Variants in BRIP1 observed in about 807,000 individuals in gnomAD.
BRIP1 encodes Fanconi anemia group J protein.
A neutral mutation model predicts 119.7 loss-of-function variants in BRIP1; 88 were observed. That is an observed-to-expected ratio of 0.74 (90% CI 0.62 to 0.88). BRIP1 has a LOEUF of 0.88. BRIP1 is among the 40% of genes least tolerant of loss of function. The pLI, the probability that BRIP1 is intolerant of heterozygous loss-of-function variation, is 0.00. For missense variants in BRIP1, 1,259 were observed against 1,455.4 expected, an observed-to-expected ratio of 0.87 and a Z score of 2.20; for synonymous variants, 443 against 496.5, an observed-to-expected ratio of 0.89 and a Z score of 1.43.
rs1342655654 is a variant in BRIP1, at chr17:61,856,417, T to TA, written c.379+640dup. Among the ~76,000 whole-genome samples, 1 of 152,200 alleles carries TA rather than the reference T, an allele frequency of 6.6e-6. No homozygotes were observed. Among genetic ancestry groups the TA allele is most frequent in the Non-Finnish European group, 1.5e-5 (1 of 68,038 alleles). ...CTAAACAAGAAATGGTAGTTTGGAC[T>TA]ATGGAGGTACCAATGGATATGGAGA... On this transcript the variant is annotated intron_variant, in intron 4 of 19. Transcript: ENST00000259008. This position sits in a 1 kb window ranked among gnomAD's most constrained non-coding sequence, Gnocchi z 5.1.
At chr17:61,685,117 T>C (rs1247307097) in intron 19 of BRIP1, 1 of 152,272 alleles carries the variant, frequency 6.6e-6, no homozygotes, top group Non-Finnish European at 1.5e-5. Context: ...TGGAGCATAA[T>C]GTATCTGTTG....
Position 61,686,236 on chromosome 17 carries a change from C to T in BRIP1, c.2576-71G>A. ...TAAAATATTACATGCTAAGGTAATACACTTGCTTTTTCTAGTGAAGTAACC... is the reference window on the plus strand; with the variant it reads ...TAAAATATTACATGCTAAGGTAATATACTTGCTTTTTCTAGTGAAGTAACC... On this transcript the variant is annotated intron_variant, in intron 18 of 19. Transcript: ENST00000259008. This position sits in a 1 kb window ranked among gnomAD's most constrained non-coding sequence, Gnocchi z 5.4. The T allele has an allele frequency of 7.3e-7, 1 of 1,369,486 alleles. No homozygotes were observed. Among genetic ancestry groups the T allele is most frequent in the Non-Finnish European group, 1.0e-6 (1 of 960,846 alleles). The allele number at this position is 1,369,486 out of a possible 1,614,324, so 84.8% of individuals were successfully genotyped here.
At position 61,850,362 on chromosome 17, in the gene BRIP1, A is replaced by G. The variant is rs573647970; in HGVS notation, c.380-1106T>C. On this transcript the variant is annotated intron_variant, in intron 4 of 19. Transcript: ENST00000259008. ...GGTGATCCACCCGCCTAGCCTCCCA[A>G]AGTGCTGGGATTACAGGCGTGAGCC... Among the ~76,000 whole-genome samples the G allele has an allele frequency of 2.2e-4, 33 of 151,880 alleles. 1 individual carries two copies. The South Asian group carries it at 6.9e-3, about 32-fold the overall frequency.
In BRIP1 at chr17:61,710,966, G is replaced by C. The variant is rs2061762014; in HGVS notation, c.2492+4985C>G. On this transcript the variant is annotated intron_variant, in intron 17 of 19. Coordinates refer to ENST00000259008, the MANE Select transcript of BRIP1 (RefSeq NM_032043.3). The surrounding 1 kb of genome is among the most constrained non-coding windows in gnomAD (Gnocchi z 5.4). ...TGAGGCAGGAGAATCGCTTGAACTT[G>C]GGTGGAGGAAGATGCAGTGAGCCAA... is the stretch of plus-strand genomic sequence containing the variant. Among the ~76,000 whole-genome samples the C allele has an allele frequency of 6.6e-6, 1 of 150,862 alleles. No individual in the cohort carries two copies. Among genetic ancestry groups the C allele is most frequent in the African/African-American group, 2.4e-5 (1 of 40,996 alleles).
At chr17:61,711,401 A>G (rs1179241148) in intron 17 of BRIP1, among the ~76,000 whole-genome samples, 1 of 152,216 alleles carries the variant, frequency 6.6e-6, no homozygotes, top group East Asian at 1.9e-4. Flanking sequence ...AAAAATGTCA[A>G]TCAGCAGGGA....
chr17:61,797,613 C>G (rs1342301675), intron 9 of BRIP1, among the ~76,000 whole-genome samples: 10 of 152,020 alleles, frequency 6.6e-5, no homozygotes, highest in Admixed American at 6.6e-4. Flanking sequence ...CCACAAAAAT[C>G]TGCATGGCAA....
rs904068509 is a variant in BRIP1 at position 61,804,152 on chromosome 17, G to A, written c.919-2678C>T. On this transcript the variant is annotated intron_variant, in intron 7 of 19. Transcript: ENST00000259008. This position sits in a 1 kb window ranked among gnomAD's most constrained non-coding sequence, Gnocchi z 4.5. ...AGTAGTTACCTTAAAGGATTAAGGA[G>A]ATGGAGGATCTAGAAAAAGCCTCTC... Among the ~76,000 whole-genome samples, 4 of 152,110 alleles carry A rather than the reference G, an allele frequency of 2.6e-5. No homozygotes were observed. The highest frequency in any genetic ancestry group is 9.7e-5 in the African/African-American group (4 of 41,432).
At position 61,824,126 on chromosome 17, in the gene BRIP1, T is replaced by G. The variant is rs2078369608; in HGVS notation, c.628-15369A>C. ...CACCATGCCCGGCCTAAGATAGAATTTTTAAAGCAGCCACAGATTACTCTA... is the reference window on the plus strand; with the variant it reads ...CACCATGCCCGGCCTAAGATAGAATGTTTAAAGCAGCCACAGATTACTCTA... On this transcript the variant is annotated intron_variant, in intron 6 of 19. Transcript: ENST00000259008. This position sits in a 1 kb window ranked among gnomAD's most constrained non-coding sequence, Gnocchi z 4.3. Among the ~76,000 whole-genome samples the G allele has an allele frequency of 6.6e-6, 1 of 152,206 alleles. No individual in the cohort carries two copies. Among genetic ancestry groups the G allele is most frequent in the Non-Finnish European group, 1.5e-5 (1 of 68,040 alleles).
rs2078736524 is a variant in BRIP1, at chr17:61,846,619, T to C, written c.627+482A>G. On this transcript the variant is annotated intron_variant, in intron 6 of 19. Coordinates refer to ENST00000259008, the MANE Select transcript of BRIP1 (RefSeq NM_032043.3). The surrounding 1 kb of genome is among the most constrained non-coding windows in gnomAD (Gnocchi z 4.3). ...CCAGGCTGGTTTCAAACTCGTGAAC[T>C]CAAGTGATCCACCCGCCTTGGCCTC... Among the ~76,000 whole-genome samples the C allele has an allele frequency of 3.3e-5, 5 of 152,246 alleles. No individual in the cohort carries two copies. The South Asian group carries it at 1.0e-3, about 32-fold the overall frequency.
rs1363321714 is a variant in BRIP1 at position 61,825,055 on chromosome 17, G to A, written c.628-16298C>T. Among the ~76,000 whole-genome samples the A allele has an allele frequency of 6.6e-6, 1 of 152,134 alleles. No individual in the cohort carries two copies. The highest frequency in any genetic ancestry group is 1.5e-5 in the Non-Finnish European group (1 of 68,008). On this transcript the variant is annotated intron_variant, in intron 6 of 19. Coordinates refer to ENST00000259008, the MANE Select transcript of BRIP1 (RefSeq NM_032043.3). This position sits in a 1 kb window ranked among gnomAD's most constrained non-coding sequence, Gnocchi z 4.1. ...AATCCCAACACTTTGGGAGGCTGAGGCAGGCGGATCGCAAGGTCAGGAGAT... is the reference window on the plus strand; with the variant it reads ...AATCCCAACACTTTGGGAGGCTGAGACAGGCGGATCGCAAGGTCAGGAGAT...
At position 61,681,422 on chromosome 17, in the gene BRIP1, A is replaced by T. The variant is rs2061268391; in HGVS notation, c.*1874T>A. ...TAGTACTAACCGCTGCATTTTACAG[A>T]TGAAACTAATTCCCTGAAGGGTGTG... On this transcript the variant is annotated 3_prime_UTR_variant, in exon 20 of 20. Coordinates refer to ENST00000259008, the MANE Select transcript of BRIP1 (RefSeq NM_032043.3). The surrounding 1 kb of genome is among the most constrained non-coding windows in gnomAD (Gnocchi z 5.1). 1.4e-5 allele frequency: 3 copies of T among 212,052 alleles called. No homozygotes were observed. The highest frequency in any genetic ancestry group is 6.8e-5 in the African/African-American group (3 of 44,218). The allele number at this position is 212,052 out of a possible 1,614,324, so 13.1% of individuals were successfully genotyped here.
chr17:61,692,497 C>A (rs1364922333), intron 18 of BRIP1, among the ~76,000 whole-genome samples: 2 of 151,646 alleles, frequency 1.3e-5, no homozygotes, highest in Non-Finnish European at 1.5e-5. Context: ...AAAACCAAAC[C>A]AAAAAAACAG....
In BRIP1 at chr17:61,860,024, A is replaced by G; in HGVS notation, c.94-117T>C. On this transcript the variant is annotated intron_variant, in intron 2 of 19. Transcript: ENST00000259008. This position sits in a 1 kb window ranked among gnomAD's most constrained non-coding sequence, Gnocchi z 4.1. ...GTGAGATTGCACTCCAGGGAACACA[A>G]CAATAGCAGAAGGAACTCATATTTA... The G allele has an allele frequency of 1.4e-6, 1 of 713,976 alleles. No homozygotes were observed. Among genetic ancestry groups the G allele is most frequent in the Non-Finnish European group, 2.5e-6 (1 of 399,226 alleles). The allele number at this position is 713,976 out of a possible 1,614,324, so 44.2% of individuals were successfully genotyped here. A position where few individuals can be genotyped will look rare whatever the true frequency, so the allele number is the denominator to read the frequency against.
In BRIP1 at chr17:61,683,410, A is replaced by G. The variant is rs374392860; in HGVS notation, c.3636T>C (p.Asn1212=). 57 of 1,613,504 alleles carry G rather than the reference A, an allele frequency of 3.5e-5. No individual in the cohort carries two copies. Among genetic ancestry groups the G allele is most frequent in the Non-Finnish European group, 4.7e-5 (56 of 1,179,808 alleles). ...GTTCATTTATCCAAGTTGTTTTTACATTACCATCAATGTCATCAATTTTAC... is the reference window on the plus strand; with the variant it reads ...GTTCATTTATCCAAGTTGTTTTTACGTTACCATCAATGTCATCAATTTTAC... ...EESKIDDIDG[N]VKTTWINELE... is the part of the protein sequence containing the mutation. The change falls in exon 20 of 20, where the codon AAT becomes AAC. Residue 1212 remains asparagine (N), a synonymous_variant. Coordinates refer to ENST00000259008, the MANE Select transcript of BRIP1 (RefSeq NM_032043.3). The surrounding 1 kb of genome is among the most constrained non-coding windows in gnomAD (Gnocchi z 4.7).
chr17:61,861,653 A>AGT lies in BRIP1; in HGVS notation c.-30-85_-30-84insAC. On this transcript the variant is annotated intron_variant, in intron 1 of 19. Coordinates refer to ENST00000259008, the MANE Select transcript of BRIP1 (RefSeq NM_032043.3). The surrounding 1 kb of genome is among the most constrained non-coding windows in gnomAD (Gnocchi z 4.5). The stretch of plus-strand genomic sequence containing the variant: ...ACCAAAACTAAGGGAGAAATCTGGA[A>AGT]ACAGAAACTGGAATTAATAAAAGTA... 1.3e-6 allele frequency: 1 copy of AGT among 750,374 alleles called. No homozygotes were observed. The allele number at this position is 750,374 out of a possible 1,614,324, so 46.5% of individuals were successfully genotyped here. A position where few individuals can be genotyped will look rare whatever the true frequency, so the allele number is the denominator to read the frequency against.
At chr17:61,719,009 G>C (rs2061928305) in intron 16 of BRIP1, among the ~76,000 whole-genome samples, 2 of 152,140 alleles carry the variant, frequency 1.3e-5, no homozygotes, top group Admixed American at 1.3e-4. Flanking sequence ...TACATGTTCA[G>C]TACAGAAGCA....
At chr17:61,694,426 A>C (rs1462252627) in intron 17 of BRIP1, among the ~76,000 whole-genome samples, 2 of 152,082 alleles carry the variant, frequency 1.3e-5, no homozygotes, top group Admixed American at 6.6e-5. Flanking sequence ...TCAGTACTTC[A>C]TTTATAAGTT....
rs748962730 is a variant in BRIP1, at chr17:61,784,316, T to C, written c.1582A>G (p.Lys528Glu). Residue 528 changes from lysine to glutamate, a missense_variant, in exon 11 of 20, where the codon AAA becomes GAA. Physicochemically the swap from Lys to Glu is moderately conservative, Grantham distance 56 (BLOSUM62 1). This residue lies in a region of BRIP1 where 753 missense variants were observed against 891.8 expected (regional missense o/e 0.84). Transcript: ENST00000259008. The part of the protein sequence containing the change: ...VISASTQIML[K>E]GLFMVLDYLF... ...TAGTCAAGTACCATAAAAAGTCCTT[T>C]AAGCATTATTTGAGTTGATGCACTA... 1 of 1,613,388 alleles carries C rather than the reference T, an allele frequency of 6.2e-7. No homozygotes were observed. The highest frequency in any genetic ancestry group is 1.1e-5 in the South Asian group (1 of 91,060).
intron 14 of BRIP1, among the ~76,000 whole-genome samples, chr17:61,750,901 T>C (rs1487254107): frequency 6.6e-6 from 1 of 152,192 alleles, no homozygotes; most frequent in Non-Finnish European, 1.5e-5. Context: ...ATGGTACAAC[T>C]GCTGAGGAAA....
Sources: allele counts gnomAD v4.1 joint callset (sites outside exome capture counted in the v4.1 genomes callset), GRCh38; gene constraint gnomAD v4.1.1; regional missense constraint gnomAD v4.1.1; non-coding constraint Gnocchi (gnomAD v3.1); transcripts MANE v1.5; gene names NCBI Gene and HGNC (gene_info 2026-07-23, HGNC 2026-07-21).